The following DOCK6 variants were observed in gnomAD, a reference collection of about 807,000 sequenced individuals.
The protein encoded by DOCK6 is dedicator of cytokinesis protein 6.
In DOCK6, 167 loss-of-function variants were observed where a neutral mutation model predicts 230.3. The ratio of observed to expected loss-of-function variants is 0.73; its 90% CI spans 0.64 to 0.82. DOCK6 has a LOEUF of 0.82. Ranked by LOEUF, DOCK6 falls within the 40% of genes least tolerant of loss-of-function variation. DOCK6 has a pLI of 0.00. For synonymous variants in DOCK6, 1,148 were observed against 1,185.0 expected, an observed-to-expected ratio of 0.97 and a Z score of 0.64; for missense variants, 2,598 against 2,825.8, an observed-to-expected ratio of 0.92 and a Z score of 1.83.
chr19:11,202,299 G>A lies in DOCK6; in HGVS notation c.5451+95C>T. Reference sequence around the variant, plus strand: ...GGTCCCTCAGTGAAATATGATTTGGGGTTTCCCAGAGAAAGAGGATTTGAG... The same window carrying A: ...GGTCCCTCAGTGAAATATGATTTGGAGTTTCCCAGAGAAAGAGGATTTGAG... On this transcript the variant is annotated intron_variant, in intron 43 of 47. Coordinates refer to ENST00000294618, the MANE Select transcript of DOCK6 (RefSeq NM_020812.4). The surrounding 1 kb of genome is among the most constrained non-coding windows in gnomAD (Gnocchi z 5.3). 6.8e-7 allele frequency: 1 copy of A among 1,471,728 alleles called. No individual in the cohort carries two copies. The highest frequency in any genetic ancestry group is 2.0e-5 in the Admixed American group (1 of 49,426). 91.2% of individuals were successfully genotyped at this position (1,471,728 alleles called of 1,614,324 possible).
Position 11,223,043 on chromosome 19 carries a change from G to A in DOCK6, c.3019C>T (p.Leu1007=), listed in dbSNP as rs1332827457. 11 of 1,613,648 alleles carry A rather than the reference G, an allele frequency of 6.8e-6. No individual in the cohort carries two copies. The highest frequency in any genetic ancestry group is 9.3e-6 in the Non-Finnish European group (11 of 1,179,874). ...LAFFLSDLLS[L]VDRGFVFSLV... Reference sequence around the variant, plus strand: ...CTGAAGACAAAGCCCCGGTCCACCAGGGACAGAAGGTCACTGAGGAAGAAA... The same window carrying A: ...CTGAAGACAAAGCCCCGGTCCACCAAGGACAGAAGGTCACTGAGGAAGAAA... The change falls in exon 25 of 48, where the codon CTG becomes TTG. Residue 1007 remains leucine (L), a synonymous_variant. Transcript: ENST00000294618.
intron 14 of DOCK6, chr19:11,239,734 G>C: frequency 6.2e-7 from 1 of 1,613,254 alleles, no homozygotes; most frequent in South Asian, 1.1e-5. Flanking sequence ...GGCACAGCAT[G>C]AGGAGCTGAC....
intron 30 of DOCK6, 195 bp from the exon 31 acceptor site, chr19:11,216,122 C>A: frequency 2.0e-6 from 1 of 495,890 alleles, no homozygotes; most frequent in Non-Finnish European, 3.4e-6. Context: ...GAGTCTCTCT[C>A]ATTCTGTCGC....
chr19:11,227,851 C>CA (rs1337627897), intron 23 of DOCK6, among the ~76,000 whole-genome samples: 1 of 150,416 alleles, frequency 6.6e-6, no homozygotes, highest in Non-Finnish European at 1.5e-5. Flanking sequence ...CAGGGCAAGT[C>CA]AGAGGTGGGA....
rs1331349544 is a variant in DOCK6 at position 11,236,899 on chromosome 19, G to A, written c.2074-20C>T. The A allele has an allele frequency of 6.5e-7, 1 of 1,548,074 alleles. No homozygotes were observed. The highest frequency in any genetic ancestry group is 8.7e-7 in the Non-Finnish European group (1 of 1,145,934). On this transcript the variant is annotated intron_variant, in intron 18 of 47. Coordinates refer to ENST00000294618, the MANE Select transcript of DOCK6 (RefSeq NM_020812.4). This position sits in a 1 kb window ranked among gnomAD's most constrained non-coding sequence, Gnocchi z 5.2. ...CGCCACCTGTGGGAGGGAGGCACCA[G>A]GTGGGCACTGGTCAGCCCTCCCTGA...
rs745345417 is a variant in DOCK6, at chr19:11,236,763, G to A, written c.2160+30C>T. The A allele has an allele frequency of 1.0e-5, 16 of 1,549,974 alleles. No homozygotes were observed. Among genetic ancestry groups the A allele is most frequent in the East Asian group, 4.9e-5 (2 of 40,954 alleles). The stretch of plus-strand genomic sequence containing the variant: ...AGGGCAGGCAAGAGGGGAGCAGGGC[G>A]GGACTCTTGGTTCCCGGCCCACCCC... On this transcript the variant is annotated intron_variant, in intron 19 of 47. Transcript: ENST00000294618. This position sits in a 1 kb window ranked among gnomAD's most constrained non-coding sequence, Gnocchi z 5.2.
chr19:11,218,008 C>T (rs1160831881), intron 28 of DOCK6, among the ~76,000 whole-genome samples: 1 of 151,768 alleles, frequency 6.6e-6, no homozygotes, highest in Non-Finnish European at 1.5e-5. Context: ...CCCGCCACCA[C>T]ACCCGGCTAA....
intron 18 of DOCK6, chr19:11,237,118 A>C (rs745934295): frequency 1.7e-6 from 1 of 592,078 alleles, no homozygotes. Context: ...ATATTCATTG[A>C]GTAGGTCAGG....
Position 11,214,362 on chromosome 19 carries a change from C to T in DOCK6, c.4251G>A (p.Leu1417=). The T allele has an allele frequency of 8.1e-6, 13 of 1,613,720 alleles. No individual in the cohort carries two copies. Among genetic ancestry groups the T allele is most frequent in the Non-Finnish European group, 1.1e-5 (13 of 1,179,884 alleles). ...EARESVLGAV[L]KVVLYSLGSA... ...TGCCCAGGCTGTACAGCACAACCTT[C>T]AGCACTGCCCCCAAGACGCTCTCCC... Residue 1417 remains leucine, a synonymous_variant, in exon 34 of 48, where the codon CTG becomes CTA. Transcript: ENST00000294618.
At position 11,243,645 on chromosome 19, in the gene DOCK6, G is replaced by A; in HGVS notation, c.1170C>T (p.Tyr390=). The A allele has an allele frequency of 6.2e-7, 1 of 1,612,824 alleles. No individual in the cohort carries two copies. The highest frequency in any genetic ancestry group is 8.5e-7 in the Non-Finnish European group (1 of 1,179,752). ...CGGCCGTCCAGGCGAAGGGCATGCGGTAGCGGCCCAGGCGGGTGCAGAACT... is the reference window on the plus strand; with the variant it reads ...CGGCCGTCCAGGCGAAGGGCATGCGATAGCGGCCCAGGCGGGTGCAGAACT... ...AEQFCTRLGR[Y]RMPFAWTAVH... Residue 390 remains tyrosine, a synonymous_variant, in exon 11 of 48, where the codon TAC becomes TAT. Transcript: ENST00000294618. This position sits in a 1 kb window ranked among gnomAD's most constrained non-coding sequence, Gnocchi z 6.3.
intron 1 of DOCK6, among the ~76,000 whole-genome samples, chr19:11,257,560 G>A (rs866796836): frequency 3.3e-5 from 5 of 151,698 alleles, no homozygotes; most frequent in South Asian, 4.2e-4. Context: ...AGGCCGAGGC[G>A]GGCAGATCAT....
chr19:11,257,159 AT>A (rs985408326), intron 1 of DOCK6, among the ~76,000 whole-genome samples: 8 of 149,724 alleles, frequency 5.3e-5, no homozygotes, highest in African/African-American at 2.0e-4. Context: ...GCTAATTATT[AT>A]TATTATTATT....
chr19:11,233,723 C>T (rs1015534757), intron 21 of DOCK6, among the ~76,000 whole-genome samples: 8 of 152,114 alleles, frequency 5.3e-5, no homozygotes, highest in Non-Finnish European at 2.9e-5. Context: ...CCTGTGGTTC[C>T]AGTTACCTGG....
At chr19:11,211,174 T>G (rs2079378045) in intron 37 of DOCK6, among the ~76,000 whole-genome samples, 1 of 150,886 alleles carries the variant, frequency 6.6e-6, no homozygotes, top group African/African-American at 2.5e-5. Context: ...TTTTCATTTC[T>G]CACTTGACCC....
In DOCK6 at chr19:11,248,035, T is replaced by C. The variant is rs1242927105; in HGVS notation, c.806+31A>G. ...GGAACCCATGTGGTTGCTTCACGCATCTAAGAAGAGAGACATGTCAGTATA... is the reference window on the plus strand; with the variant it reads ...GGAACCCATGTGGTTGCTTCACGCACCTAAGAAGAGAGACATGTCAGTATA... On this transcript the variant is annotated intron_variant, in intron 7 of 47. Transcript: ENST00000294618. The C allele has an allele frequency of 2.5e-6, 4 of 1,590,964 alleles. 1 individual carries two copies. The highest frequency in any genetic ancestry group is 2.3e-5 in the South Asian group (2 of 88,196).
intron 7 of DOCK6, 32 bp downstream of exon 7, chr19:11,248,034 A>T: frequency 1.3e-6 from 2 of 1,589,512 alleles, no homozygotes; most frequent in Middle Eastern, 1.7e-4. Flanking sequence ...TGCTTCACGC[A>T]TCTAAGAAGA....
intron 1 of DOCK6, among the ~76,000 whole-genome samples, chr19:11,254,506 C>A (rs2080169037): frequency 6.6e-6 from 1 of 152,066 alleles, no homozygotes; most frequent in Admixed American, 6.6e-5. Context: ...AGGTCCTGGC[C>A]AACAAGGGGA....
chr19:11,228,731 T>G, intron 23 of DOCK6: 2 of 453,650 alleles, frequency 4.4e-6, no homozygotes, highest in East Asian at 4.0e-5. Flanking sequence ...GGCTAATTTT[T>G]TTTTGTATTT....
intron 13 of DOCK6, 123 bp from the exon 14 acceptor site, chr19:11,242,330 C>T: frequency 9.2e-7 from 1 of 1,088,870 alleles, no homozygotes; most frequent in South Asian, 4.6e-5. Flanking sequence ...GGCTGTGTCC[C>T]TCAGGCGCCA....
Sources: allele counts gnomAD v4.1 joint callset (sites outside exome capture counted in the v4.1 genomes callset), GRCh38; gene constraint gnomAD v4.1.1; non-coding constraint Gnocchi (gnomAD v3.1); transcripts MANE v1.5; gene names NCBI Gene and HGNC (gene_info 2026-07-23, HGNC 2026-07-21).